DSCAM: variants seen among roughly 807,000 people sequenced by gnomAD.
The protein encoded by DSCAM is DS cell adhesion molecule, also known as cell adhesion molecule DSCAM.
Under a neutral mutation model 217.7 loss-of-function variants are expected in DSCAM, and 47 were observed. The ratio of observed to expected loss-of-function variants is 0.22; its 90% confidence interval spans 0.17 to 0.28. The LOEUF (loss-of-function observed/expected upper bound fraction) is 0.28. Among genes scored for constraint, DSCAM ranks in the 10% least tolerant of loss-of-function variants. The probability of loss-of-function intolerance (pLI) is 1.00; values close to 1 mark genes in which losing one functional copy is unlikely to be tolerated. For missense variants in DSCAM, 2,080 were observed against 2,618.3 expected, an observed-to-expected ratio of 0.79 and a Z score of 4.49; for synonymous variants, 1,056 against 1,015.3, an observed-to-expected ratio of 1.04 and a Z score of -0.76.
At chr21:40,775,915 A>C (rs1206384749) in intron 1 of DSCAM, among the ~76,000 whole-genome samples, 1 of 152,212 alleles carries the variant, frequency 6.6e-6, no homozygotes, top group African/African-American at 2.4e-5. Flanking sequence ...GTTGTTCATC[A>C]TGGTATTTCA....
chr21:40,730,172 C>T (rs1017797842), intron 1 of DSCAM, among the ~76,000 whole-genome samples: 3 of 152,128 alleles, frequency 2.0e-5, no homozygotes, highest in African/African-American at 7.2e-5. Flanking sequence ...CTCCGGGGCG[C>T]AGGAGGTCAT....
At chr21:40,841,029 G>T (rs9977951) in intron 1 of DSCAM, among the ~76,000 whole-genome samples, 1 of 152,156 alleles carries the variant, frequency 6.6e-6, no homozygotes, top group Admixed American at 6.5e-5. Flanking sequence ...CTCCTGTCTA[G>T]CTAGTGAGAG....
chr21:40,446,865 T>C (rs1157551912), intron 3 of DSCAM, among the ~76,000 whole-genome samples: 3 of 152,186 alleles, frequency 2.0e-5, no homozygotes, highest in African/African-American at 4.8e-5. Context: ...CAAAGTCCTG[T>C]TGGGGAAATA....
At chr21:40,143,715 C>T (rs1231395788) in intron 17 of DSCAM, among the ~76,000 whole-genome samples, 1 of 152,108 alleles carries the variant, frequency 6.6e-6, no homozygotes, top group East Asian at 1.9e-4. Flanking sequence ...GGCGTGAACC[C>T]GGGAGGCGGA....
chr21:40,267,202 A>AAAATTAAAAAATG (rs1555896718), intron 11 of DSCAM, among the ~76,000 whole-genome samples: 6,788 of 152,186 alleles, frequency 0.045, 256 homozygotes, highest in African/African-American at 0.097. Context: ...AAAATGAAAA[A>AAAATTAAAAAATG]ACAAGTAACA....
At chr21:40,603,628 T>C (rs149199819) in intron 3 of DSCAM, among the ~76,000 whole-genome samples, 70 of 152,324 alleles carry the variant, frequency 4.6e-4, no homozygotes, top group African/African-American at 1.7e-3. Flanking sequence ...CCTCAATTTT[T>C]TTGTGTCTGA....
chr21:40,102,209 A>G (rs111672508), intron 20 of DSCAM, among the ~76,000 whole-genome samples: 1 of 152,178 alleles, frequency 6.6e-6, no homozygotes, highest in Non-Finnish European at 1.5e-5. Flanking sequence ...ACATGGATGA[A>G]TATTTATAAG....
intron 3 of DSCAM, among the ~76,000 whole-genome samples, chr21:40,404,230 C>T (rs976388744): frequency 2.0e-5 from 3 of 152,106 alleles, no homozygotes; most frequent in African/African-American, 4.8e-5. Flanking sequence ...AATGCTGCTA[C>T]GAGGCACTTT....
intron 3 of DSCAM, among the ~76,000 whole-genome samples, chr21:40,671,485 T>C (rs9976466): frequency 0.82 from 124,404 of 151,002 alleles, 52,349 homozygotes; most frequent in East Asian, 1. Context: ...ACCAGCCTGG[T>C]CAACATAGTG....
chr21:40,698,994 G>A (rs974832938), intron 2 of DSCAM, among the ~76,000 whole-genome samples: 11 of 151,788 alleles, frequency 7.2e-5, no homozygotes, highest in Middle Eastern at 3.4e-3. Flanking sequence ...ATTGTACTTC[G>A]GAGAGATTAT....
intron 3 of DSCAM, among the ~76,000 whole-genome samples, chr21:40,455,872 A>G (rs1238842015): frequency 1.3e-5 from 2 of 152,166 alleles, no homozygotes; most frequent in Non-Finnish European, 2.9e-5. Flanking sequence ...ATAGGAAAAA[A>G]TATTCAAGGG....
At chr21:40,578,527 A>C (rs775212753) in intron 3 of DSCAM, among the ~76,000 whole-genome samples, 3 of 152,212 alleles carry the variant, frequency 2.0e-5, no homozygotes, top group Non-Finnish European at 4.4e-5. Flanking sequence ...TGGACCAATC[A>C]GCAGGATGTG....
chr21:40,458,868 T>C (rs760057591), intron 3 of DSCAM, among the ~76,000 whole-genome samples: 11 of 152,146 alleles, frequency 7.2e-5, no homozygotes, highest in Non-Finnish European at 1.5e-4. Flanking sequence ...TATCAGGATT[T>C]ATGACCAAGA....
intron 3 of DSCAM, among the ~76,000 whole-genome samples, chr21:40,650,063 G>T (rs1205014127): frequency 6.6e-6 from 1 of 152,160 alleles, no homozygotes; most frequent in East Asian, 1.9e-4. Flanking sequence ...AAGGAGCAGG[G>T]GAGAAGTGAG....
rs2074112070 is a variant in DSCAM at position 40,309,218 on chromosome 21, AT to A, written c.2062+2862del. On this transcript the variant is annotated intron_variant, in intron 9 of 32. Transcript: ENST00000400454. Reference sequence around the variant, plus strand: ...AGTTGTGTTTTCTGAGTTCCTGCACATTGACCTTCTTTCTTTTCTGAAGCTC... The same window carrying A: ...AGTTGTGTTTTCTGAGTTCCTGCACATGACCTTCTTTCTTTTCTGAAGCTC... Among the ~76,000 whole-genome samples the A allele has an allele frequency of 2.0e-5, 3 of 152,260 alleles. No homozygotes were observed. In the South Asian group the frequency reaches 6.2e-4, roughly 32 times the overall value.
At position 40,193,720 on chromosome 21, in the gene DSCAM, T is replaced by C. The variant is rs1324339361; in HGVS notation, c.2357-4482A>G. 2.0e-5 allele frequency among the ~76,000 whole-genome samples: 3 copies of C among 152,222 alleles called. 1 individual carries two copies. Among genetic ancestry groups the C allele is most frequent in the African/African-American group, 7.2e-5 (3 of 41,460 alleles). ...TCTCAAGGCTATGGTCAGGATTTCC[T>C]ATTTTGCAGTGTTTGTAAAAAGGAA... On this transcript the variant is annotated intron_variant, in intron 11 of 32. Coordinates refer to ENST00000400454, the MANE Select transcript of DSCAM (RefSeq NM_001389.5).
intron 3 of DSCAM, among the ~76,000 whole-genome samples, chr21:40,650,089 T>C (rs962240379): frequency 1.3e-5 from 2 of 152,190 alleles, no homozygotes; most frequent in African/African-American, 4.8e-5. Context: ...ACTTGCAATT[T>C]TACCAGGTGC....
At chr21:40,567,551 C>A (rs2076774048) in intron 3 of DSCAM, among the ~76,000 whole-genome samples, 1 of 152,222 alleles carries the variant, frequency 6.6e-6, no homozygotes, top group East Asian at 1.9e-4. Context: ...AGCCCCACTT[C>A]AAGGAACACA....
intron 3 of DSCAM, among the ~76,000 whole-genome samples, chr21:40,467,957 T>C (rs1328381565): frequency 3.8e-5 from 5 of 131,344 alleles, no homozygotes; most frequent in Admixed American, 7.7e-5. Flanking sequence ...AAAAACTACA[T>C]AGCTCCCTCA....
Sources: gnomAD v4.1 joint callset for allele counts (sites outside exome capture counted in the v4.1 genomes callset) on GRCh38, gnomAD v4.1.1 for gene constraint, MANE v1.5 for transcripts, NCBI Gene and HGNC (gene_info 2026-07-23, HGNC 2026-07-21) for gene names.